Variants in TIGD6 observed in about 807,000 individuals in gnomAD.
TIGD6 encodes tigger transposable element-derived protein 6.
TIGD6 carries 1 observed loss-of-function variant against 2.6 expected under a neutral mutation model. The observed-to-expected ratio is 0.39, with a 90% confidence interval of 0.14 to 1.85. The LOEUF (loss-of-function observed/expected upper bound fraction) is 1.85, where lower values mean the gene tolerates loss of function less well. Among genes scored for constraint, TIGD6 ranks in the 40% most tolerant of loss-of-function variants. TIGD6 has a pLI of 0.32. For synonymous variants in TIGD6, 193 were observed against 221.9 expected, an observed-to-expected ratio of 0.87 and a Z score of 1.16; for missense variants, 601 against 634.2, an observed-to-expected ratio of 0.95 and a Z score of 0.56.
rs746644139 is a variant in TIGD6, at chr5:149,996,328, C to T, written c.21G>A (p.Lys7=). The T allele has an allele frequency of 2.6e-5, 42 of 1,606,250 alleles. No homozygotes were observed. In the East Asian group the frequency reaches 8.5e-4, roughly 32 times the overall value. MANKGN[K]KRRQFSLEEK... ...CCTCCAGAGAGAACTGCCGACGCTT[C>T]TTGTTCCCCTTGTTTGCCATTTCCA... The change falls in exon 2 of 2, where the codon AAG becomes AAA. Residue 7 remains lysine (K), a synonymous_variant. Coordinates refer to ENST00000296736, the MANE Select transcript of TIGD6 (RefSeq NM_030953.4).
rs1271141689 is a variant in TIGD6, at chr5:149,996,236, C to T, written c.113G>A (p.Gly38Asp). 6.2e-7 allele frequency: 1 copy of T among 1,614,020 alleles called. No homozygotes were observed. The highest frequency in any genetic ancestry group is 2.2e-5 in the East Asian group (1 of 44,902). ...TGTAGATAAAGTAGAGGGAGTGATACCAAATTCTTTTGCCACATCACCTTT... is the reference window on the plus strand; with the variant it reads ...TGTAGATAAAGTAGAGGGAGTGATATCAAATTCTTTTGCCACATCACCTTT... ...KRKGDVAKEF[G>D]ITPSTLSTFL... is the part of the protein sequence containing the mutation. The change falls in exon 2 of 2, where the codon GGT becomes GAT. Residue 38 changes from glycine to aspartate, a missense_variant. Physicochemically the swap from Gly to Asp is moderately conservative, Grantham distance 94. Coordinates refer to ENST00000296736, the MANE Select transcript of TIGD6 (RefSeq NM_030953.4).
In TIGD6 at chr5:149,999,098, G is replaced by C. The variant is rs1431412273; in HGVS notation, c.-82+1376C>G. Among the ~76,000 whole-genome samples the C allele has an allele frequency of 3.9e-5, 6 of 152,308 alleles. No individual in the cohort carries two copies. In the East Asian group the frequency reaches 7.7e-4, roughly 20 times the overall value. The stretch of plus-strand genomic sequence containing the variant: ...CCTGGTCAGGAACAAAAAATTCTTT[G>C]GAGAAGAAAGCAAGGACCAAATCAC... On this transcript the variant is annotated intron_variant, in intron 1 of 1. Transcript: ENST00000296736.
In TIGD6 at chr5:149,996,356, G is replaced by A. The variant is rs763147587; in HGVS notation, c.-8C>T. On this transcript the variant is annotated 5_prime_UTR_variant, in exon 2 of 2. Transcript: ENST00000296736. ...GTTCCCCTTGTTTGCCATTTCCAGG[G>A]AATGAGGGCTGGCCACAACTAACAG... 4 of 1,595,254 alleles carry A rather than the reference G, an allele frequency of 2.5e-6. No homozygotes were observed. Among genetic ancestry groups the A allele is most frequent in the Non-Finnish European group, 3.4e-6 (4 of 1,170,898 alleles).
At chr5:149,998,202 T>A (rs1266737228) in intron 1 of TIGD6, among the ~76,000 whole-genome samples, 1 of 152,218 alleles carries the variant, frequency 6.6e-6, no homozygotes, top group Non-Finnish European at 1.5e-5. Flanking sequence ...ACGGATGTTT[T>A]CAGGCATTTT....
chr5:149,999,315 A>C (rs1039458596), intron 1 of TIGD6, among the ~76,000 whole-genome samples: 13 of 152,242 alleles, frequency 8.5e-5, no homozygotes, highest in African/African-American at 3.1e-4. Context: ...AAGCAGGCTA[A>C]ACCAGTAGGC....
intron 1 of TIGD6, among the ~76,000 whole-genome samples, chr5:149,998,231 G>A (rs1348341747): frequency 6.6e-6 from 1 of 152,194 alleles, no homozygotes; most frequent in African/African-American, 2.4e-5. Flanking sequence ...CACTTTGGCT[G>A]TTCTGTGGAA....
intron 1 of TIGD6, among the ~76,000 whole-genome samples, chr5:149,997,037 C>G (rs1581239046): frequency 6.6e-6 from 1 of 152,266 alleles, no homozygotes; most frequent in East Asian, 1.9e-4. Context: ...GGTCCCTGTT[C>G]TTATGAAATA....
Position 149,995,641 on chromosome 5 carries a change from G to T in TIGD6, c.708C>A (p.His236Gln), listed in dbSNP as rs1359179888. ...GGAGGGAATGAATGTTCTTGAGGCA[G>T]TGTGGGCTGGCTGACCTACCAACAA... Reference protein sequence around the residue: ...PLIVGRSASPHCLKNIHSLPC... With the variant: ...PLIVGRSASPQCLKNIHSLPC... The change falls in exon 2 of 2, where the codon CAC (histidine) becomes CAA (glutamine). Residue 236 changes from histidine (H) to glutamine (Q), a missense_variant. Physicochemically the swap from His to Gln is conservative, Grantham distance 24. Transcript: ENST00000296736. 2 of 1,614,124 alleles carry T rather than the reference G, an allele frequency of 1.2e-6. No homozygotes were observed. Among genetic ancestry groups the T allele is most frequent in the Non-Finnish European group, 1.7e-6 (2 of 1,180,062 alleles).
At chr5:149,996,563 G>T in intron 1 of TIGD6, 134 bp from the exon 2 acceptor site, 1 of 614,412 alleles carries the variant, frequency 1.6e-6, no homozygotes, top group Non-Finnish European at 2.6e-6. Flanking sequence ...TCATGCTACT[G>T]ACTTTTTGTA....
chr5:149,995,165 T>A lies in TIGD6; in HGVS notation c.1184A>T (p.Asp395Val), dbSNP rs369211849. 13 of 1,614,246 alleles carry A rather than the reference T, an allele frequency of 8.1e-6. No individual in the cohort carries two copies. The highest frequency in any genetic ancestry group is 1.1e-5 in the Non-Finnish European group (13 of 1,180,046). Residue 395 changes from aspartate to valine, a missense_variant, in exon 2 of 2, where the codon GAC becomes GTC. By Grantham distance (152) the Asp-to-Val change is radical. Coordinates refer to ENST00000296736, the MANE Select transcript of TIGD6 (RefSeq NM_030953.4). Reference sequence around the variant, plus strand: ...GTGCCACAACTTTTCAATGGCAATGTCTGGTTCACTGGCTGCTGATTCTGT... The same window carrying A: ...GTGCCACAACTTTTCAATGGCAATGACTGGTTCACTGGCTGCTGATTCTGT... ...CDTESAASEP[D>V]IAIEKLWHTV...
intron 1 of TIGD6, among the ~76,000 whole-genome samples, chr5:149,999,455 G>C (rs1473738326): frequency 6.6e-6 from 1 of 152,124 alleles, no homozygotes; most frequent in Non-Finnish European, 1.5e-5. Flanking sequence ...ATGAGATAAT[G>C]GTGGCTTGGA....
chr5:149,995,347 G>A lies in TIGD6; in HGVS notation c.1002C>T (p.Ile334=). 6.2e-7 allele frequency: 1 copy of A among 1,614,212 alleles called. No individual in the cohort carries two copies. Among genetic ancestry groups the A allele is most frequent in the Non-Finnish European group, 8.5e-7 (1 of 1,180,040 alleles). ...CCTCACTGCTGTTGAGCTTGAGGAG[G>A]ATCTGTTTTAGAAGGTGGCTCTGGT... The part of the protein sequence containing the change: ...VLYQSHLLKQ[I]LLKLNSSEDQ... The change falls in exon 2 of 2, where the codon ATC becomes ATT. Residue 334 remains isoleucine (I), a synonymous_variant. Transcript: ENST00000296736.
At chr5:149,998,127 T>TCAAA (rs140461335) in intron 1 of TIGD6, among the ~76,000 whole-genome samples, 1 of 151,862 alleles carries the variant, frequency 6.6e-6, no homozygotes, top group South Asian at 2.1e-4. Flanking sequence ...AGCCTCCATC[T>TCAAA]CAAACAAACA....
rs1433523700 is a variant in TIGD6 at position 149,994,948 on chromosome 5, T to A, written c.1401A>T (p.Thr467=). ...SLPEQPKVTI[T]EAISSVQKLR... is the part of the protein sequence containing the mutation. ...GTTTCTGTACACTTGATATGGCTTCTGTGATGGTGACTTTTGGTTGCTCTG... is the reference window on the plus strand; with the variant it reads ...GTTTCTGTACACTTGATATGGCTTCAGTGATGGTGACTTTTGGTTGCTCTG... Residue 467 remains threonine, a synonymous_variant, in exon 2 of 2, where the codon ACA becomes ACT. Transcript: ENST00000296736. 1 of 1,612,852 alleles carries A rather than the reference T, an allele frequency of 6.2e-7. No individual in the cohort carries two copies.
rs149095251 is a variant in TIGD6 at position 149,997,999 on chromosome 5, G to A, written c.-81-1570C>T. ...TAAATAAATAACTGGGTGTGGTGGC[G>A]CATGCCTGTAATCCCAGCTACTCGG... On this transcript the variant is annotated intron_variant, in intron 1 of 1. Coordinates refer to ENST00000296736, the MANE Select transcript of TIGD6 (RefSeq NM_030953.4). Among the ~76,000 whole-genome samples, 287 of 152,084 alleles carry A rather than the reference G, an allele frequency of 1.9e-3. 1 individual carries two copies. The highest frequency in any genetic ancestry group is 6.3e-3 in the African/African-American group (263 of 41,500).
At position 149,993,637 on chromosome 5, in the gene TIGD6, C is replaced by T. The variant is rs1755311675; in HGVS notation, c.*1146G>A. 3 of 152,132 alleles carry T rather than the reference C, an allele frequency of 2.0e-5. No individual in the cohort carries two copies. The highest frequency in any genetic ancestry group is 2.1e-4 in the South Asian group (1 of 4,816). 9.4% of individuals were successfully genotyped at this position (152,132 alleles called of 1,614,324 possible). The stretch of plus-strand genomic sequence containing the variant: ...GTGTTGGCCAGTCTGGTCTCAAACT[C>T]CTTGCCTCAAGTGATCTTCCCAATG... On this transcript the variant is annotated 3_prime_UTR_variant, in exon 2 of 2. Coordinates refer to ENST00000296736, the MANE Select transcript of TIGD6 (RefSeq NM_030953.4).
rs1315908647 is a variant in TIGD6, at chr5:149,996,350, T to G, written c.-2A>C. On this transcript the variant is annotated 5_prime_UTR_variant, in exon 2 of 2. Transcript: ENST00000296736. ...CTTCTTGTTCCCCTTGTTTGCCATT[T>G]CCAGGGAATGAGGGCTGGCCACAAC... 3.1e-6 allele frequency: 5 copies of G among 1,599,228 alleles called. No individual in the cohort carries two copies. The highest frequency in any genetic ancestry group is 4.3e-6 in the Non-Finnish European group (5 of 1,172,776).
At position 149,996,155 on chromosome 5, in the gene TIGD6, G is replaced by T; in HGVS notation, c.194C>A (p.Pro65His). 3 of 1,610,032 alleles carry T rather than the reference G, an allele frequency of 1.9e-6. No individual in the cohort carries two copies. The highest frequency in any genetic ancestry group is 2.5e-6 in the Non-Finnish European group (3 of 1,180,002). The change falls in exon 2 of 2, where the codon CCC becomes CAC. Residue 65 changes from proline (P) to histidine (H), a missense_variant. Transcript: ENST00000296736. ...EEKVREASVG[P>H]QRKRMRSALY... is the part of the protein sequence containing the mutation. ...AGCGCTCCTCATCCTTTTCCGCTGG[G>T]GTCCCACGGATGCCTCCCGCACCTT...
At chr5:149,997,155 A>G (rs1755408021) in intron 1 of TIGD6, among the ~76,000 whole-genome samples, 1 of 152,258 alleles carries the variant, frequency 6.6e-6, no homozygotes, top group South Asian at 2.1e-4. Context: ...AGATCTACTT[A>G]TTATACAAAG....
Sources: allele counts gnomAD v4.1 joint callset (sites outside exome capture counted in the v4.1 genomes callset), GRCh38; gene constraint gnomAD v4.1.1; transcripts MANE v1.5; gene names NCBI Gene and HGNC (gene_info 2026-07-23, HGNC 2026-07-21).